Variants in TFB1M observed in about 807,000 individuals in gnomAD.
TFB1M encodes the protein transcription factor B1, mitochondrial, also known as dimethyladenosine transferase 1, mitochondrial.
A neutral mutation model predicts 31.1 loss-of-function variants in TFB1M; 27 were observed. The observed-to-expected ratio is 0.87, with a 90% CI of 0.64 to 1.20. The LOEUF (loss-of-function observed/expected upper bound fraction) is 1.20. TFB1M is among the 50% of genes most tolerant of loss of function. The pLI is 0.00. For missense variants in TFB1M, 394 were observed against 418.7 expected (o/e 0.94, Z 0.51); for synonymous variants, 166 against 151.8 (o/e 1.09, Z -0.69).
the TFB1M span, among the ~76,000 whole-genome samples, chr6:155,246,046 TAGAA>T: frequency 1.3e-5 from 2 of 151,458 alleles, no homozygotes; most frequent in South Asian, 4.2e-4. Flanking sequence ...TAGATGGGAG[TAGAA>T]AGAAATGCAT....
At chr6:155,259,511 C>T (rs551818578) in intron 6 of TFB1M, among the ~76,000 whole-genome samples, 16 of 152,210 alleles carry the variant, frequency 1.1e-4, no homozygotes, top group African/African-American at 3.9e-4. Flanking sequence ...AGGGACACTT[C>T]GGACCTTGTG....
chr6:155,237,342 C>T, the TFB1M span, among the ~76,000 whole-genome samples: 8 of 152,350 alleles, frequency 5.3e-5, no homozygotes, highest in African/African-American at 1.7e-4. Flanking sequence ...AAGGATATAG[C>T]CTCCCTCCTG....
chr6:155,275,650 G>T (rs768846591), intron 5 of TFB1M: 128 of 1,441,334 alleles, frequency 8.9e-5, no homozygotes, highest in Non-Finnish European at 1.1e-4. Context: ...CACAGAAATA[G>T]ATAGAATTCT....
the TFB1M span, among the ~76,000 whole-genome samples, chr6:155,240,998 A>G: frequency 1.3e-5 from 2 of 152,216 alleles, no homozygotes; most frequent in Non-Finnish European, 2.9e-5. Context: ...GTGGGAAGGG[A>G]GTCTGTACTG....
At chr6:155,234,223 T>C in the TFB1M span, among the ~76,000 whole-genome samples, 1 of 152,194 alleles carries the variant, frequency 6.6e-6, no homozygotes, top group Non-Finnish European at 1.5e-5. Context: ...GTGTTTTTTA[T>C]TCTGCATATG....
chr6:155,299,124 T>G (rs1348828018), intron 2 of TFB1M, among the ~76,000 whole-genome samples: 1 of 152,148 alleles, frequency 6.6e-6, no homozygotes, highest in Non-Finnish European at 1.5e-5. Flanking sequence ...TCCGAGATAC[T>G]CCTCTGACCA....
chr6:155,241,670 C>G, the TFB1M span, among the ~76,000 whole-genome samples: 1 of 152,188 alleles, frequency 6.6e-6, no homozygotes, highest in African/African-American at 2.4e-5. Context: ...CAGGTAGCTT[C>G]CCAAAGCCCC....
the TFB1M span, among the ~76,000 whole-genome samples, chr6:155,238,999 G>A: frequency 3.3e-5 from 5 of 152,114 alleles, no homozygotes; most frequent in African/African-American, 1.2e-4. Flanking sequence ...AGTTGAGAGT[G>A]GCCTCTTTTT....
At position 155,296,952 on chromosome 6, in the gene TFB1M, C is replaced by T. The variant is rs1305680812; in HGVS notation, c.546+1G>A. 1 of 1,613,524 alleles carries T rather than the reference C, an allele frequency of 6.2e-7. No individual in the cohort carries two copies. Among genetic ancestry groups the T allele is most frequent in the East Asian group, 2.2e-5 (1 of 44,844 alleles). ...AATAGTCACAAAATGTTAAAACTTA[C>T]CTCTGCCACTTCCTTTTGAAAAGTC... On this transcript the variant is annotated splice_donor_variant, in intron 4 of 6. Transcript: ENST00000367166. LOFTEE classifies it high-confidence loss of function.
the TFB1M span, among the ~76,000 whole-genome samples, chr6:155,235,382 C>T: frequency 0.068 from 10,401 of 152,288 alleles, 511 homozygotes; most frequent in Non-Finnish European, 0.1. Context: ...GCCTGGACTG[C>T]AGCCCAGGCC....
chr6:155,257,972 C>A lies in TFB1M; in HGVS notation c.905G>T (p.Ser302Ile), dbSNP rs1424313485. ...CATTTTTCTGTATACATCACAGAGG[C>A]TCTTAAAGTGTGAGATGGAGAGCTG... is the stretch of plus-strand genomic sequence containing the variant. ...PRQLSISHFKSLCDVYRKMCD... is the reference protein window; with the variant it reads ...PRQLSISHFKILCDVYRKMCD... The change falls in exon 7 of 7, where the codon AGC becomes ATC. Residue 302 changes from serine to isoleucine, a missense_variant. Transcript: ENST00000367166. 2 of 1,614,072 alleles carry A rather than the reference C, an allele frequency of 1.2e-6. No individual in the cohort carries two copies. The highest frequency in any genetic ancestry group is 1.7e-6 in the Non-Finnish European group (2 of 1,180,050).
intron 5 of TFB1M, chr6:155,275,621 G>C (rs1011356953): frequency 8.1e-7 from 1 of 1,230,030 alleles, no homozygotes; most frequent in Non-Finnish European, 1.1e-6. Flanking sequence ...CTTAGGCTTT[G>C]TTATTTGGTT....
chr6:155,300,866 G>A (rs1777396864), intron 2 of TFB1M, among the ~76,000 whole-genome samples: 1 of 151,998 alleles, frequency 6.6e-6, no homozygotes, highest in Non-Finnish European at 1.5e-5. Context: ...GTGCAGTGGT[G>A]CAATCTTGGC....
chr6:155,313,032 G>C (rs1027968070), intron 1 of TFB1M: 5 of 152,172 alleles, frequency 3.3e-5, no homozygotes, highest in Non-Finnish European at 7.3e-5. Context: ...TGGATCACTT[G>C]AGATCAGGAG....
At chr6:155,303,923 G>A (rs980078181) in intron 2 of TFB1M, among the ~76,000 whole-genome samples, 10 of 152,174 alleles carry the variant, frequency 6.6e-5, no homozygotes, top group African/African-American at 2.4e-4. Flanking sequence ...AAGCTAGTAG[G>A]TGGCATATCT....
At chr6:155,264,938 C>T (rs144191421) in intron 5 of TFB1M, among the ~76,000 whole-genome samples, 252 of 152,236 alleles carry the variant, frequency 1.7e-3, no homozygotes, top group Non-Finnish European at 2.8e-3. Context: ...CACGTGTAAT[C>T]CTCAAGAAAG....
chr6:155,260,503 CTGTTTT>C, intron 5 of TFB1M, 103 bp from the exon 6 acceptor site: 1 of 1,486,134 alleles, frequency 6.7e-7, no homozygotes, highest in Non-Finnish European at 9.3e-7. Context: ...TGTCAACAGC[CTGTTTT>C]CATAAACAGA....
Position 155,298,522 on chromosome 6 carries a change from C to T in TFB1M, c.349G>A (p.Val117Ile), listed in dbSNP as rs750558056. 4.3e-5 allele frequency: 70 copies of T among 1,613,320 alleles called. No homozygotes were observed. The East Asian group carries it at 1.4e-3, about 31-fold the overall frequency. ...IVHGDVLTFK[V>I]EKAFSESLKR... The stretch of plus-strand genomic sequence containing the variant: ...AGACTTTCTGAAAAAGCCTTTTCTA[C>T]CTTAAATGTCAAGACATCTCCATGA... The change falls in exon 3 of 7, where the codon GTA (valine) becomes ATA (isoleucine). Residue 117 changes from valine to isoleucine, a missense_variant. Transcript: ENST00000367166.
the TFB1M span, among the ~76,000 whole-genome samples, chr6:155,241,474 C>A: frequency 1.3e-5 from 2 of 152,152 alleles, no homozygotes. Context: ...CCTTCAACTC[C>A]CTTATTTGGG....
Sources: gnomAD v4.1 joint callset for allele counts (sites outside exome capture counted in the v4.1 genomes callset) on GRCh38, gnomAD v4.1.1 for gene constraint, MANE v1.5 for transcripts, NCBI Gene and HGNC (gene_info 2026-07-23, HGNC 2026-07-21) for gene names.